EYS: variants seen among roughly 807,000 people sequenced by gnomAD.
EYS encodes protein eyes shut homolog.
A neutral mutation model predicts 282.1 loss-of-function variants in EYS; 250 were observed. The ratio of observed to expected loss-of-function variants is 0.89; its 90% CI spans 0.80 to 0.98. The LOEUF (loss-of-function observed/expected upper bound fraction) is 0.98. Ranked by LOEUF, EYS falls within the 50% of genes least tolerant of loss-of-function variation. The probability of loss-of-function intolerance (pLI) is 0.00; values close to 1 mark genes in which losing one functional copy is unlikely to be tolerated. For synonymous variants in EYS, 1,355 were observed against 1,282.9 expected (o/e 1.06, Z -1.20); for missense variants, 4,016 against 3,709.0 (o/e 1.08, Z -2.15).
intron 26 of EYS, among the ~76,000 whole-genome samples, chr6:64,567,070 C>T (rs772331236): frequency 1.1e-4 from 16 of 152,050 alleles, no homozygotes; most frequent in Non-Finnish European, 2.1e-4. Flanking sequence ...CCACTCCACC[C>T]GGCCTTAATT....
chr6:63,938,685 T>C (rs570688929), intron 35 of EYS, among the ~76,000 whole-genome samples: 55 of 152,374 alleles, frequency 3.6e-4, no homozygotes, highest in Non-Finnish European at 7.5e-4. Flanking sequence ...GTTAGTAACA[T>C]CTGCAGCACT....
At chr6:65,416,111 G>A (rs961636959) in intron 5 of EYS, among the ~76,000 whole-genome samples, 1 of 151,896 alleles carries the variant, frequency 6.6e-6, no homozygotes, top group African/African-American at 2.4e-5. Flanking sequence ...TGAAAGTATG[G>A]TAAAGGCTCA....
intron 26 of EYS, among the ~76,000 whole-genome samples, chr6:64,483,880 A>C (rs1238655166): frequency 6.6e-6 from 1 of 151,690 alleles, no homozygotes; most frequent in Non-Finnish European, 1.5e-5. Flanking sequence ...CTAAAATTCT[A>C]ACATGTATTG....
chr6:65,016,597 T>G (rs1246495163), intron 13 of EYS, among the ~76,000 whole-genome samples: 1 of 152,176 alleles, frequency 6.6e-6, no homozygotes, highest in African/African-American at 2.4e-5. Context: ...GATATGTAAA[T>G]TACAGAAGTC....
intron 12 of EYS, among the ~76,000 whole-genome samples, chr6:65,129,554 A>T (rs9453197): frequency 0.028 from 4,294 of 151,670 alleles, 155 homozygotes; most frequent in African/African-American, 0.086. Flanking sequence ...CAACAAACAT[A>T]AAAAAAATGC....
chr6:64,018,759 GTTTTTTT>G (rs1163533009), intron 33 of EYS, among the ~76,000 whole-genome samples: 36 of 53,882 alleles, frequency 6.7e-4, no homozygotes, highest in East Asian at 3.5e-3. Context: ...CATCACAAGT[GTTTTTTT>G]TTTTTTTTTT....
intron 33 of EYS, among the ~76,000 whole-genome samples, chr6:64,000,358 AT>A (rs1012504919): frequency 2.9e-4 from 43 of 148,896 alleles, no homozygotes; most frequent in African/African-American, 1.0e-3. Context: ...CGCCAGGCTA[AT>A]TTTTTTTTGT....
At chr6:64,042,363 A>G (rs981066706) in intron 33 of EYS, among the ~76,000 whole-genome samples, 10 of 152,218 alleles carry the variant, frequency 6.6e-5, no homozygotes, top group African/African-American at 2.2e-4. Context: ...CACTTTAGGG[A>G]AACATTTAGC....
intron 22 of EYS, among the ~76,000 whole-genome samples, chr6:64,795,417 G>A (rs1454975075): frequency 2.0e-5 from 3 of 151,952 alleles, no homozygotes; most frequent in Admixed American, 1.3e-4. Context: ...ACCATTCTTG[G>A]TTGGACAAAT....
At chr6:65,260,064 G>A (rs1161016669) in intron 12 of EYS, among the ~76,000 whole-genome samples, 1 of 152,070 alleles carries the variant, frequency 6.6e-6, no homozygotes. Context: ...GCATGGCTGA[G>A]GAGGCCTCAG....
chr6:63,732,434 G>T lies in EYS; in HGVS notation c.8072-5754C>A, dbSNP rs1309958528. ...GTGCAAGATGTCATTTCAAAAAGAG[G>T]TACATTTTTATTTAGCAGCTTCAAG... is the stretch of plus-strand genomic sequence containing the variant. On this transcript the variant is annotated intron_variant, in intron 41 of 42. Transcript: ENST00000503581. Among the ~76,000 whole-genome samples the T allele has an allele frequency of 2.6e-5, 4 of 152,002 alleles. No homozygotes were observed. The East Asian group carries it at 7.7e-4, about 29-fold the overall frequency.
At chr6:65,647,836 A>C (rs6919287) in intron 1 of EYS, among the ~76,000 whole-genome samples, 123,803 of 151,974 alleles carry the variant, frequency 0.81, 50,540 homozygotes, top group East Asian at 0.85. Flanking sequence ...AACAAACAAA[A>C]AAACAAACAA....
chr6:65,363,943 T>C (rs1391132420), intron 8 of EYS, among the ~76,000 whole-genome samples: 2 of 151,576 alleles, frequency 1.3e-5, no homozygotes, highest in African/African-American at 4.8e-5. Flanking sequence ...ATTTTCTCTA[T>C]TTTAATTTAA....
intron 8 of EYS, among the ~76,000 whole-genome samples, chr6:65,371,963 T>A (rs957594833): frequency 1.3e-5 from 2 of 150,414 alleles, no homozygotes; most frequent in African/African-American, 2.4e-5. Flanking sequence ...AGCGTGAGTT[T>A]ACATAAGTCA....
In EYS at chr6:64,591,777, C is replaced by G. The variant is rs1169633968; in HGVS notation, c.4090G>C (p.Asp1364His). Residue 1364 changes from aspartate (D) to histidine (H), a missense_variant, in exon 26 of 43, where the codon GAC (aspartate) becomes CAC (histidine). Physicochemically the swap from Asp to His is moderately conservative, Grantham distance 81. Coordinates refer to ENST00000503581, the MANE Select transcript of EYS (RefSeq NM_001142800.2). ...GGCATATGTGATACCGATGTTTTGT[C>G]CTGGACAATTTGTGCTGGGTCACGA... ...GIRDPAQIVQDKTSVSHMPIR... is the reference protein window; with the variant it reads ...GIRDPAQIVQHKTSVSHMPIR... The G allele has an allele frequency of 6.4e-7, 1 of 1,551,154 alleles. No homozygotes were observed. Among genetic ancestry groups the G allele is most frequent in the African/African-American group, 1.4e-5 (1 of 72,992 alleles).
intron 12 of EYS, among the ~76,000 whole-genome samples, chr6:65,217,362 A>G (rs1335150155): frequency 1.3e-5 from 2 of 152,126 alleles, no homozygotes; most frequent in Non-Finnish European, 2.9e-5. Flanking sequence ...ATGTATAGCA[A>G]TGCTTTTTTC....
At chr6:63,980,337 C>T (rs1205045372) in intron 35 of EYS, among the ~76,000 whole-genome samples, 2 of 151,690 alleles carry the variant, frequency 1.3e-5, no homozygotes, top group Non-Finnish European at 2.9e-5. Context: ...AAGCATTCCC[C>T]AACCTTTCAA....
chr6:63,820,004 A>G (rs1248363785), intron 36 of EYS, among the ~76,000 whole-genome samples: 5 of 152,206 alleles, frequency 3.3e-5, no homozygotes, highest in African/African-American at 7.2e-5. Context: ...TCTTAAGGGA[A>G]AGTCCACATT....
intron 19 of EYS, among the ~76,000 whole-genome samples, chr6:64,859,215 A>T (rs1170551121): frequency 6.8e-6 from 1 of 147,946 alleles, no homozygotes. Context: ...AAAAATATTT[A>T]TATCTAATAT....
Sources: gnomAD v4.1 joint callset for allele counts (sites outside exome capture counted in the v4.1 genomes callset) on GRCh38, gnomAD v4.1.1 for gene constraint, MANE v1.5 for transcripts, NCBI Gene and HGNC (gene_info 2026-07-23, HGNC 2026-07-21) for gene names.